Variants in GNB1 observed in about 807,000 individuals in gnomAD.
The protein encoded by GNB1 is guanine nucleotide-binding protein G(I)/G(S)/G(T) subunit beta-1.
A neutral mutation model predicts 42.9 loss-of-function variants in GNB1; 2 were observed. The ratio of observed to expected loss-of-function variants is 0.05; its 90% CI spans 0.02 to 0.15. GNB1 has a LOEUF of 0.15. GNB1 is among the 10% of genes least tolerant of loss of function. The pLI, the probability that GNB1 is intolerant of heterozygous loss-of-function variation, is 1.00. For missense variants in GNB1, 193 were observed against 462.2 expected (o/e 0.42, Z 5.34); for synonymous variants, 183 against 174.7 (o/e 1.05, Z -0.38).
chr1:1,836,670 T>A (rs1056427605), intron 2 of GNB1, among the ~76,000 whole-genome samples: 39 of 152,036 alleles, frequency 2.6e-4, no homozygotes, highest in African/African-American at 7.7e-4. Flanking sequence ...TGTGTCTCAG[T>A]CTCCCAAATG....
chr1:1,852,465 C>T (rs1179953151), intron 1 of GNB1, among the ~76,000 whole-genome samples: 2 of 151,984 alleles, frequency 1.3e-5, no homozygotes, highest in African/African-American at 2.4e-5. Flanking sequence ...CTCCTGACCT[C>T]GCGACCCGCC....
At position 1,800,962 on chromosome 1, in the gene GNB1, G is replaced by GA. The variant is rs570754175; in HGVS notation, c.430+3456_430+3457insT. On this transcript the variant is annotated intron_variant, in intron 7 of 11. Coordinates refer to ENST00000378609, the MANE Select transcript of GNB1 (RefSeq NM_002074.5). ...CCGGCCGAAAGGACGCCCGCAGAAG[G>GA]CGCCTTTGCAGGAGAGCGGGAAGGG... 2.9e-4 allele frequency among the ~76,000 whole-genome samples: 44 copies of GA among 152,374 alleles called. No individual in the cohort carries two copies. In the East Asian group the frequency reaches 7.3e-3, roughly 25 times the overall value.
At chr1:1,884,776 G>A (rs539665758) in intron 1 of GNB1, among the ~76,000 whole-genome samples, 11 of 151,542 alleles carry the variant, frequency 7.3e-5, no homozygotes, top group African/African-American at 9.7e-5. Context: ...TCTGCCTCCC[G>A]GGTTCACACC....
At chr1:1,854,302 G>A (rs1470730589) in intron 1 of GNB1, among the ~76,000 whole-genome samples, 3 of 152,212 alleles carry the variant, frequency 2.0e-5, no homozygotes, top group Non-Finnish European at 4.4e-5. Flanking sequence ...GGTATAAAGA[G>A]TCCCTGAGAT....
At chr1:1,808,001 G>T (rs908278404) in intron 5 of GNB1, among the ~76,000 whole-genome samples, 1 of 150,770 alleles carries the variant, frequency 6.6e-6, no homozygotes, top group Non-Finnish European at 1.5e-5. Context: ...GAGCCACCAC[G>T]CCCGGCCTCT....
intron 1 of GNB1, among the ~76,000 whole-genome samples, chr1:1,875,826 G>A (rs1339597085): frequency 1.8e-5 from 1 of 55,946 alleles, no homozygotes; most frequent in African/African-American, 8.3e-5. Flanking sequence ...ACTTTAGCAG[G>A]TTCAACAGTG....
intron 5 of GNB1, among the ~76,000 whole-genome samples, chr1:1,807,490 A>AAAAAAAAAAAAAAAAAAC (rs1646717062): frequency 6.8e-6 from 1 of 146,228 alleles, no homozygotes; most frequent in African/African-American, 2.5e-5. Context: ...AAAAAAAAAA[A>AAAAAAAAAAAAAAAAAAC]AAACAAACAG....
intron 1 of GNB1, among the ~76,000 whole-genome samples, chr1:1,879,800 A>G (rs981751366): frequency 2.0e-5 from 3 of 152,144 alleles, no homozygotes; most frequent in Non-Finnish European, 1.5e-5. Flanking sequence ...GTCTGCCTCA[A>G]TGGGAGCAAT....
At chr1:1,890,662 GC>G (rs1650448840) in intron 1 of GNB1, among the ~76,000 whole-genome samples, 157 bp downstream of exon 1, 1 of 147,520 alleles carries the variant, frequency 6.8e-6, no homozygotes, top group Admixed American at 6.7e-5. Flanking sequence ...TCGGACCCCA[GC>G]CCCCGGCCCC....
chr1:1,876,743 G>A (rs1649568068), intron 1 of GNB1, among the ~76,000 whole-genome samples: 2 of 152,146 alleles, frequency 1.3e-5, no homozygotes, highest in African/African-American at 4.8e-5. Context: ...AACACTTTGA[G>A]GTCTTGCTTG....
At chr1:1,810,169 C>T (rs772428441) in intron 5 of GNB1, among the ~76,000 whole-genome samples, 3 of 151,826 alleles carry the variant, frequency 2.0e-5, no homozygotes, top group Non-Finnish European at 4.4e-5. Flanking sequence ...GGGTTCATGC[C>T]ATTCTCCTGC....
chr1:1,860,336 A>C (rs1399370779), intron 1 of GNB1, among the ~76,000 whole-genome samples: 2 of 152,224 alleles, frequency 1.3e-5, no homozygotes, highest in African/African-American at 4.8e-5. Context: ...TACTATGCTT[A>C]GTACCTGGGT....
chr1:1,859,478 T>C (rs1570726261), intron 1 of GNB1, among the ~76,000 whole-genome samples: 1 of 151,468 alleles, frequency 6.6e-6, no homozygotes, highest in Non-Finnish European at 1.5e-5. Flanking sequence ...GGAGATCCTG[T>C]CTCTTCAAAC....
chr1:1,862,836 G>C (rs1049241557), intron 1 of GNB1, among the ~76,000 whole-genome samples: 2 of 152,124 alleles, frequency 1.3e-5, no homozygotes, highest in African/African-American at 4.8e-5. Flanking sequence ...CCCCGGTAAG[G>C]TATTACACGT....
At chr1:1,814,797 CAAAAAAAAAAAA>C (rs66588627) in intron 5 of GNB1, among the ~76,000 whole-genome samples, 1 of 77,610 alleles carries the variant, frequency 1.3e-5, no homozygotes, top group African/African-American at 5.7e-5. Context: ...GACCCTGTCT[CAAAAAAAAAAAA>C]AAAAAAAAAA....
chr1:1,841,488 G>A (rs1400237693), intron 1 of GNB1, among the ~76,000 whole-genome samples: 2 of 152,176 alleles, frequency 1.3e-5, no homozygotes, highest in Admixed American at 6.5e-5. Flanking sequence ...CCTGATTTCA[G>A]AACATTTAAA....
Position 1,804,415 on chromosome 1 carries a change from G to A in GNB1, c.430+4C>T, listed in dbSNP as rs764585029. On this transcript the variant is annotated splice_donor_region_variant and intron_variant, in intron 7 of 11. Coordinates refer to ENST00000378609, the MANE Select transcript of GNB1 (RefSeq NM_002074.5). ...ACTTGAAGCTTATGAACAAGGACAG[G>A]TACCTGTGTGTCCTGCCAGCTCACG... is the stretch of plus-strand genomic sequence containing the variant. 3 of 1,610,230 alleles carry A rather than the reference G, an allele frequency of 1.9e-6. No homozygotes were observed. In the African/African-American group the frequency reaches 4.0e-5, roughly 22 times the overall value.
At chr1:1,802,950 C>T (rs1208965243) in intron 7 of GNB1, among the ~76,000 whole-genome samples, 1 of 152,096 alleles carries the variant, frequency 6.6e-6, no homozygotes, top group African/African-American at 2.4e-5. Context: ...CAGAAAAGAA[C>T]AGAGAACAGA....
intron 1 of GNB1, among the ~76,000 whole-genome samples, chr1:1,863,138 G>A (rs1369679536): frequency 6.6e-6 from 1 of 152,054 alleles, no homozygotes; most frequent in Admixed American, 6.6e-5. Flanking sequence ...CACAATCCTT[G>A]GTCACTGCCC....
Sources: allele counts gnomAD v4.1 joint callset (sites outside exome capture counted in the v4.1 genomes callset), GRCh38; gene constraint gnomAD v4.1.1; transcripts MANE v1.5; gene names NCBI Gene and HGNC (gene_info 2026-07-23, HGNC 2026-07-21).